PDE10A: variants seen among roughly 807,000 people sequenced by gnomAD.
PDE10A encodes cAMP and cAMP-inhibited cGMP 3',5'-cyclic phosphodiesterase 10A.
A neutral mutation model predicts 97.7 loss-of-function variants in PDE10A; 39 were observed. The observed-to-expected ratio is 0.40, with a 90% CI of 0.31 to 0.52. The LOEUF (loss-of-function observed/expected upper bound fraction) is 0.52. PDE10A is among the 20% of genes least tolerant of loss of function. The pLI is 0.56. For missense variants in PDE10A, 731 were observed against 1,047.8 expected (o/e 0.70, Z 4.17); for synonymous variants, 371 against 376.8 (o/e 0.98, Z 0.18).
At chr6:165,614,854 A>G (rs1029027118) in intron 1 of PDE10A, among the ~76,000 whole-genome samples, 2 of 152,126 alleles carry the variant, frequency 1.3e-5, no homozygotes, top group Non-Finnish European at 1.5e-5. Flanking sequence ...ATTAAAAAAA[A>G]AAAAGAAAAA....
intron 1 of PDE10A, among the ~76,000 whole-genome samples, chr6:165,555,854 A>G (rs1784225012): frequency 6.6e-6 from 1 of 152,200 alleles, no homozygotes; most frequent in African/African-American, 2.4e-5. Context: ...ACAAGGAACA[A>G]GCCAGAGGAA....
chr6:165,587,002 C>CAGA (rs774027703), intron 1 of PDE10A, among the ~76,000 whole-genome samples: 54 of 152,180 alleles, frequency 3.5e-4, no homozygotes, highest in Non-Finnish European at 7.1e-4. Flanking sequence ...CAGCACCTAG[C>CAGA]AAACTGTGGG....
At chr6:165,931,974 G>A (rs925202188) in intron 1 of PDE10A, among the ~76,000 whole-genome samples, 1 of 152,196 alleles carries the variant, frequency 6.6e-6, no homozygotes, top group Admixed American at 6.5e-5. Context: ...TGACAGAAAG[G>A]TCAGAGTCCC....
chr6:165,979,296 G>T (rs1177970462), intron 1 of PDE10A, among the ~76,000 whole-genome samples: 1 of 152,256 alleles, frequency 6.6e-6, no homozygotes, highest in Non-Finnish European at 1.5e-5. Flanking sequence ...CTCCCCAGCT[G>T]GCCCAGGTAT....
At chr6:165,636,090 C>A (rs1314911035) in intron 1 of PDE10A, among the ~76,000 whole-genome samples, 3 of 152,194 alleles carry the variant, frequency 2.0e-5, no homozygotes, top group Non-Finnish European at 4.4e-5. Context: ...ATGCATAATT[C>A]TATCTGTAAA....
chr6:165,779,373 G>T (rs1778285798), intron 1 of PDE10A, among the ~76,000 whole-genome samples: 1 of 152,156 alleles, frequency 6.6e-6, no homozygotes, highest in Non-Finnish European at 1.5e-5. Context: ...GCACATGTGT[G>T]TATAAATAAA....
chr6:165,712,796 C>T lies in PDE10A; in HGVS notation c.-614-169228G>A, dbSNP rs151062539. Among the ~76,000 whole-genome samples the T allele has an allele frequency of 2.5e-4, 38 of 152,024 alleles. No homozygotes were observed. The East Asian group carries it at 7.4e-3, about 29-fold the overall frequency. ...CTGGGACTACAGGCGCCCGCCACCA[C>T]GCCCGGCTTATTTTTTGTATTTTTT... On this transcript the variant is annotated intron_variant, in intron 1 of 19. Coordinates refer to the PDE10A transcript ENST00000366882.
At chr6:165,971,366 T>C (rs1425915140) in intron 1 of PDE10A, among the ~76,000 whole-genome samples, 2 of 152,164 alleles carry the variant, frequency 1.3e-5, no homozygotes, top group African/African-American at 4.8e-5. Flanking sequence ...TTCACTCCCT[T>C]CCAGAAACCT....
intron 3 of PDE10A, among the ~76,000 whole-genome samples, chr6:165,461,355 G>A (rs1029125488): frequency 6.6e-6 from 1 of 152,122 alleles, no homozygotes; most frequent in Non-Finnish European, 1.5e-5. Flanking sequence ...TAAACAACCT[G>A]CAGCCTGCTA....
At chr6:165,430,178 G>C (rs183345049) in intron 9 of PDE10A, 109 bp downstream of exon 9, 39 of 713,976 alleles carry the variant, frequency 5.5e-5, no homozygotes, top group Non-Finnish European at 9.7e-6. Context: ...TGTAAAGACG[G>C]ATCTTCAGTT....
At chr6:165,973,381 C>T (rs527710968) in intron 1 of PDE10A, among the ~76,000 whole-genome samples, 5 of 151,328 alleles carry the variant, frequency 3.3e-5, no homozygotes, top group African/African-American at 1.2e-4. Context: ...TCATTGCACT[C>T]CAGCCTGAGT....
At chr6:165,665,584 TAGG>T (rs1790478489), upstream of PDE10A, among the ~76,000 whole-genome samples, 1 of 152,186 alleles carries the variant, frequency 6.6e-6, no homozygotes, top group South Asian at 2.1e-4. Context: ...CTGTCATTAT[TAGG>T]AGAAGAGGAA....
intron 18 of PDE10A, among the ~76,000 whole-genome samples, chr6:165,360,742 T>C (rs1783354783): frequency 6.6e-6 from 1 of 152,172 alleles, no homozygotes; most frequent in Non-Finnish European, 1.5e-5. Flanking sequence ...TGTAAAGCAA[T>C]GTCTCCCCCA....
chr6:165,853,555 C>T (rs966682070), intron 1 of PDE10A, among the ~76,000 whole-genome samples: 4 of 152,066 alleles, frequency 2.6e-5, no homozygotes, highest in African/African-American at 9.7e-5. Flanking sequence ...AGTTCATATA[C>T]GTATCCCAAG....
chr6:165,983,926 C>T (rs1002259565), intron 1 of PDE10A, among the ~76,000 whole-genome samples: 4 of 152,208 alleles, frequency 2.6e-5, no homozygotes, highest in East Asian at 1.9e-4. Context: ...CGTGCACAGC[C>T]GTGTATTCAT....
Position 165,632,200 on chromosome 6 carries a change from CAAAA to C in PDE10A, c.865+29743_865+29746del, listed in dbSNP as rs71552885. ...GAGTGATAAGAGGGAGAGTCCATCT[CAAAA>C]AAAAAAAAAAAAAAAAAAGATACTG... On this transcript the variant is annotated intron_variant, in intron 1 of 21. Coordinates refer to ENST00000539869, the MANE Select transcript of PDE10A (RefSeq NM_001385079.1). 7.4e-5 allele frequency among the ~76,000 whole-genome samples: 5 copies of C among 67,270 alleles called. No individual in the cohort carries two copies. In the Admixed American group the frequency reaches 8.2e-4, roughly 11 times the overall value. The allele number at this position is 67,270 out of a possible 152,430, so 44.1% of individuals were successfully genotyped here. A position where few individuals can be genotyped will look rare whatever the true frequency, so the allele number is the denominator to read the frequency against.
At chr6:165,814,643 T>A (rs961708659) in intron 1 of PDE10A, among the ~76,000 whole-genome samples, 1 of 152,208 alleles carries the variant, frequency 6.6e-6, no homozygotes, top group African/African-American at 2.4e-5. Context: ...GTAAAATTTG[T>A]AAGAAACCTC....
At chr6:165,356,972 G>A (rs1320687001) in intron 18 of PDE10A, among the ~76,000 whole-genome samples, 1 of 152,152 alleles carries the variant, frequency 6.6e-6, no homozygotes, top group Admixed American at 6.5e-5. Context: ...ACTAGACAGA[G>A]GGGGTATTAC....
At chr6:165,788,545 GAAAAGA>G (rs1226410204) in intron 1 of PDE10A, among the ~76,000 whole-genome samples, 2 of 114,380 alleles carry the variant, frequency 1.7e-5, no homozygotes, top group Non-Finnish European at 3.7e-5. Flanking sequence ...AAAAAGAAAA[GAAAAGA>G]AAAAGAAAAA....
Sources: gnomAD v4.1 joint callset for allele counts (sites outside exome capture counted in the v4.1 genomes callset) on GRCh38, gnomAD v4.1.1 for gene constraint, MANE v1.5 for transcripts, NCBI Gene and HGNC (gene_info 2026-07-23, HGNC 2026-07-21) for gene names.